Variants in FARS2 observed in about 807,000 individuals in gnomAD.
The protein encoded by FARS2 is phenylalanyl-tRNA synthetase 2, mitochondrial.
Under a neutral mutation model 46.4 loss-of-function variants are expected in FARS2, and 40 were observed. That is an observed-to-expected ratio of 0.86 (90% CI 0.67 to 1.12). The LOEUF (loss-of-function observed/expected upper bound fraction) is 1.12, where lower values mean the gene tolerates loss of function less well. Among genes scored for constraint, FARS2 ranks in the 50% most tolerant of loss-of-function variants. FARS2 has a pLI of 0.00. For missense variants in FARS2, 513 were observed against 567.9 expected (o/e 0.90, Z 0.98); for synonymous variants, 234 against 214.9 (o/e 1.09, Z -0.78).
At chr6:5,544,597 G>A (rs984800467) in intron 4 of FARS2, among the ~76,000 whole-genome samples, 2 of 152,172 alleles carry the variant, frequency 1.3e-5, no homozygotes, top group Admixed American at 6.5e-5. Flanking sequence ...AGTAGGTGGT[G>A]CTAGTTATAC....
chr6:5,491,850 T>A (rs1458240124), intron 4 of FARS2, among the ~76,000 whole-genome samples: 6 of 152,136 alleles, frequency 3.9e-5, no homozygotes, highest in Non-Finnish European at 7.3e-5. Context: ...TCCATGAAAA[T>A]CATATCCAGT....
intron 4 of FARS2, among the ~76,000 whole-genome samples, chr6:5,456,794 G>C (rs1192908305): frequency 6.7e-6 from 1 of 149,284 alleles, no homozygotes; most frequent in Non-Finnish European, 1.5e-5. Flanking sequence ...AGATTGGAAA[G>C]TGAGGCTCCA....
intron 1 of FARS2, among the ~76,000 whole-genome samples, chr6:5,263,039 T>C (rs940913015): frequency 6.6e-6 from 1 of 152,234 alleles, no homozygotes; most frequent in Non-Finnish European, 1.5e-5. Context: ...ACAACATTAA[T>C]GCAAGTTACT....
In FARS2 at chr6:5,622,650, G is replaced by A. The variant is rs888510920; in HGVS notation, c.1217+9330G>A. 4.6e-5 allele frequency among the ~76,000 whole-genome samples: 7 copies of A among 152,262 alleles called. No homozygotes were observed. The East Asian group carries it at 9.7e-4, about 21-fold the overall frequency. On this transcript the variant is annotated intron_variant, in intron 6 of 6. Coordinates refer to ENST00000274680, the MANE Select transcript of FARS2 (RefSeq NM_006567.5). Reference sequence around the variant, plus strand: ...CGTCCCTTTTGTCCTTTGTCCCTCCGCCATGTGAGGATGAGTAAGAGGAGC... The same window carrying A: ...CGTCCCTTTTGTCCTTTGTCCCTCCACCATGTGAGGATGAGTAAGAGGAGC...
At chr6:5,540,727 A>G (rs1038547249) in intron 4 of FARS2, among the ~76,000 whole-genome samples, 1 of 152,208 alleles carries the variant, frequency 6.6e-6, no homozygotes, top group African/African-American at 2.4e-5. Context: ...TGTAAATGTG[A>G]TAGTTGCTAA....
intron 3 of FARS2, among the ~76,000 whole-genome samples, chr6:5,429,772 C>A (rs1363174477): frequency 6.6e-6 from 1 of 152,112 alleles, no homozygotes; most frequent in Non-Finnish European, 1.5e-5. Context: ...ATTGGGGAGC[C>A]ACTGCAGTCC....
chr6:5,590,030 C>T (rs1285615630), intron 5 of FARS2, among the ~76,000 whole-genome samples: 1 of 152,100 alleles, frequency 6.6e-6, no homozygotes, highest in Admixed American at 6.5e-5. Flanking sequence ...ATTGGGAAAC[C>T]AATATAGTAC....
rs1761779033 is a variant in FARS2 at position 5,409,019 on chromosome 6, T to G, written c.772+4318T>G. On this transcript the variant is annotated intron_variant, in intron 3 of 6. Coordinates refer to ENST00000274680, the MANE Select transcript of FARS2 (RefSeq NM_006567.5). ...GGTCCTAGACTTTCCTTTGTGTTAT[T>G]TTTTATATTTGTATTTGCGTAGCTT... Among the ~76,000 whole-genome samples, 2 of 152,208 alleles carry G rather than the reference T, an allele frequency of 1.3e-5. 1 individual carries two copies. Among genetic ancestry groups the G allele is most frequent in the South Asian group, 4.1e-4 (2 of 4,836 alleles).
At chr6:5,270,283 C>G (rs1384779873) in intron 1 of FARS2, among the ~76,000 whole-genome samples, 2 of 152,180 alleles carry the variant, frequency 1.3e-5, no homozygotes, top group African/African-American at 4.8e-5. Flanking sequence ...AGCACATGTG[C>G]CTGGGCATTC....
At chr6:5,258,911 A>G (rs1212733306), upstream of FARS2, among the ~76,000 whole-genome samples, 3 of 152,246 alleles carry the variant, frequency 2.0e-5, no homozygotes, top group Admixed American at 2.0e-4. Context: ...AGTTTCGTGA[A>G]TGATTTTCCT....
chr6:5,604,461 A>AC (rs1774713625), intron 5 of FARS2, among the ~76,000 whole-genome samples: 2 of 152,142 alleles, frequency 1.3e-5, no homozygotes, highest in Non-Finnish European at 2.9e-5. Flanking sequence ...CACCTGTGGA[A>AC]AGGCAGGGGT....
Position 5,341,190 on chromosome 6 carries a change from TATATATATATATATATATATATA to T in FARS2, c.-21-27359_-21-27337del, listed in dbSNP as rs1771539643. On this transcript the variant is annotated intron_variant, in intron 1 of 6. Transcript: ENST00000274680. ...TGCCTGCTCTGTGGCCATGGGGAGA[TATATATATATATATATATATATA>T]TATATATATATATATATATATATTT... 2.2e-4 allele frequency among the ~76,000 whole-genome samples: 2 copies of T among 9,024 alleles called. 1 individual carries two copies. Among genetic ancestry groups the T allele is most frequent in the Non-Finnish European group, 3.9e-4 (2 of 5,194 alleles). 5.9% of individuals were successfully genotyped at this position (9,024 alleles called of 152,430 possible). A position where few individuals can be genotyped will look rare whatever the true frequency, so the allele number is the denominator to read the frequency against.
chr6:5,479,161 T>A (rs1023407283), intron 4 of FARS2, among the ~76,000 whole-genome samples: 3 of 152,250 alleles, frequency 2.0e-5, no homozygotes, highest in Admixed American at 6.5e-5. Flanking sequence ...TCTGGCCATC[T>A]GAGCACAGTT....
intron 6 of FARS2, among the ~76,000 whole-genome samples, chr6:5,650,896 G>T (rs1777327079): frequency 1.3e-5 from 2 of 152,188 alleles, no homozygotes; most frequent in African/African-American, 4.8e-5. Flanking sequence ...CTGATCCTGA[G>T]TTCACTTTCT....
rs145718992 is a variant in FARS2 at position 5,593,865 on chromosome 6, A to G, written c.1066-19304A>G. ...GGGCTGTATTTTCTGGCTCATTGCT[A>G]TTGTTCAAACACAATTAATGATGGC... is the stretch of plus-strand genomic sequence containing the variant. On this transcript the variant is annotated intron_variant, in intron 5 of 6. Coordinates refer to ENST00000274680, the MANE Select transcript of FARS2 (RefSeq NM_006567.5). Among the ~76,000 whole-genome samples, 838 of 152,244 alleles carry G rather than the reference A, an allele frequency of 5.5e-3. 9 individuals are homozygous for G. The highest frequency in any genetic ancestry group is 0.018 in the African/African-American group (764 of 41,542).
At chr6:5,624,994 C>T (rs1327336270) in intron 6 of FARS2, among the ~76,000 whole-genome samples, 2 of 152,196 alleles carry the variant, frequency 1.3e-5, no homozygotes, top group African/African-American at 4.8e-5. Flanking sequence ...ACTCACTGTC[C>T]ATCCACCTGT....
chr6:5,616,987 TC>T (rs1775509841), intron 6 of FARS2, among the ~76,000 whole-genome samples: 1 of 151,926 alleles, frequency 6.6e-6, no homozygotes, highest in South Asian at 2.1e-4. Context: ...AAACATTGAA[TC>T]TTTTTGATAA....
chr6:5,709,695 TGTGC>T (rs796984344), intron 6 of FARS2, among the ~76,000 whole-genome samples: 1 of 114,068 alleles, frequency 8.8e-6, no homozygotes, highest in African/African-American at 3.5e-5. Context: ...TGTGTGTGTG[TGTGC>T]GCATGCACGT....
At chr6:5,355,611 C>G (rs1259310709) in intron 1 of FARS2, among the ~76,000 whole-genome samples, 7 of 152,002 alleles carry the variant, frequency 4.6e-5, no homozygotes, top group African/African-American at 1.5e-4. Flanking sequence ...TACGCCTCGG[C>G]CTCCCAAAGT....
Sources: gnomAD v4.1 joint callset for allele counts (sites outside exome capture counted in the v4.1 genomes callset) on GRCh38, gnomAD v4.1.1 for gene constraint, MANE v1.5 for transcripts, NCBI Gene and HGNC (gene_info 2026-07-23, HGNC 2026-07-21) for gene names.